WWOX: variants seen among roughly 807,000 people sequenced by gnomAD.
WWOX encodes the protein WW domain containing oxidoreductase.
WWOX carries 69 observed loss-of-function variants against 46.2 expected under a neutral mutation model. The ratio of observed to expected loss-of-function variants is 1.49; its 90% confidence interval spans 1.23 to 1.82. The LOEUF is 1.82. Ranked by LOEUF, WWOX falls within the 40% of genes most tolerant of loss-of-function variation. The pLI, the probability that WWOX is intolerant of heterozygous loss-of-function variation, is 0.00. For missense variants in WWOX, 919 were observed against 542.6 expected (o/e 1.69, Z -6.89); for synonymous variants, 359 against 202.6 (o/e 1.77, Z -6.56).
intron 8 of WWOX, among the ~76,000 whole-genome samples, chr16:78,687,564 T>A (rs1044198187): frequency 1.3e-5 from 2 of 151,200 alleles, no homozygotes; most frequent in African/African-American, 4.9e-5. Context: ...ACATATACTT[T>A]ATGAGGTTGG....
intron 8 of WWOX, among the ~76,000 whole-genome samples, chr16:78,803,030 T>C (rs1315325359): frequency 6.6e-6 from 1 of 150,674 alleles, no homozygotes; most frequent in Non-Finnish European, 1.5e-5. Flanking sequence ...TGGTGCCTTG[T>C]ACTGTGGCCA....
intron 5 of WWOX, among the ~76,000 whole-genome samples, chr16:78,226,213 T>C (rs941054061): frequency 1.3e-5 from 2 of 152,086 alleles, no homozygotes; most frequent in Admixed American, 1.3e-4. Context: ...TTCTGCCCTC[T>C]CCAGTTTGAG....
chr16:78,742,818 G>A (rs1049198940), intron 8 of WWOX, among the ~76,000 whole-genome samples: 10 of 152,308 alleles, frequency 6.6e-5, no homozygotes, highest in Non-Finnish European at 1.2e-4. Context: ...GAATTCACTT[G>A]AAATTGTCCA....
chr16:78,466,311 G>T (rs548982059), intron 8 of WWOX, among the ~76,000 whole-genome samples: 1 of 152,144 alleles, frequency 6.6e-6, no homozygotes, highest in Non-Finnish European at 1.5e-5. Context: ...GATTACAGGC[G>T]TGAGCCATTG....
At chr16:79,079,701 G>A (rs926845165) in intron 8 of WWOX, among the ~76,000 whole-genome samples, 4 of 152,100 alleles carry the variant, frequency 2.6e-5, no homozygotes, top group African/African-American at 9.7e-5. Flanking sequence ...GATTGTAATT[G>A]TGATTACAAC....
chr16:78,294,145 T>G (rs1422580740), intron 5 of WWOX, among the ~76,000 whole-genome samples: 2 of 152,004 alleles, frequency 1.3e-5, no homozygotes, highest in Non-Finnish European at 2.9e-5. Context: ...AGCTCCCCTT[T>G]CTCCTTGTCT....
intron 8 of WWOX, among the ~76,000 whole-genome samples, chr16:78,813,274 C>T (rs1234906006): frequency 2.0e-5 from 3 of 151,150 alleles, no homozygotes; most frequent in Admixed American, 1.3e-4. Flanking sequence ...ATTTTTTTTC[C>T]CCTTAATTTC....
intron 8 of WWOX, among the ~76,000 whole-genome samples, chr16:78,610,323 G>A (rs1597344254): frequency 1.3e-5 from 2 of 152,182 alleles, no homozygotes; most frequent in African/African-American, 4.8e-5. Context: ...TATCCATAGA[G>A]GGGGAAAAAA....
chr16:78,180,455 G>T, intron 5 of WWOX, among the ~76,000 whole-genome samples: 1 of 152,018 alleles, frequency 6.6e-6, no homozygotes, highest in East Asian at 1.9e-4. Context: ...GGGCTAGTGC[G>T]TAAACCCAGC....
intron 8 of WWOX, among the ~76,000 whole-genome samples, chr16:78,816,817 T>C (rs1361456990): frequency 2.0e-5 from 3 of 152,162 alleles, no homozygotes; most frequent in East Asian, 3.8e-4. Flanking sequence ...TCAAAAGTTA[T>C]GCAATGCCAA....
At position 78,707,894 on chromosome 16, in the gene WWOX, C is replaced by T. The variant is rs546513417; in HGVS notation, c.1056+275142C>T. Among the ~76,000 whole-genome samples the T allele has an allele frequency of 1.1e-4, 17 of 151,516 alleles. No homozygotes were observed. In the South Asian group the frequency reaches 1.3e-3, roughly 11 times the overall value. The stretch of plus-strand genomic sequence containing the variant: ...ATAAATAAATAAATAAATAAAGTAT[C>T]TGTCCCCAAGTCACAATGCTATTCG... On this transcript the variant is annotated intron_variant, in intron 8 of 8. Coordinates refer to ENST00000566780, the MANE Select transcript of WWOX (RefSeq NM_016373.4).
intron 8 of WWOX, among the ~76,000 whole-genome samples, chr16:78,746,784 C>A (rs747414127): frequency 4.6e-5 from 7 of 151,996 alleles, no homozygotes. Context: ...TTCAGCAAAC[C>A]CAGTCAATAT....
chr16:78,621,883 G>C (rs892768609), intron 8 of WWOX, among the ~76,000 whole-genome samples: 5 of 151,982 alleles, frequency 3.3e-5, no homozygotes. Flanking sequence ...GGGATTACAG[G>C]CGTGAGCCAC....
intron 8 of WWOX, among the ~76,000 whole-genome samples, chr16:78,909,055 C>G (rs1597136797): frequency 6.6e-6 from 1 of 152,198 alleles, no homozygotes; most frequent in Admixed American, 6.5e-5. Context: ...CAAAGTTAAA[C>G]CGTAAACTAA....
chr16:78,805,682 T>G (rs1330573849), intron 8 of WWOX, among the ~76,000 whole-genome samples: 1 of 152,198 alleles, frequency 6.6e-6, no homozygotes, highest in Non-Finnish European at 1.5e-5. Flanking sequence ...CAGCTTCTTA[T>G]TTGGGTGAAA....
chr16:79,139,609 TC>T (rs1214377228), intron 8 of WWOX, among the ~76,000 whole-genome samples: 8 of 152,302 alleles, frequency 5.3e-5, no homozygotes, highest in African/African-American at 1.9e-4. Flanking sequence ...TTTCTTTCTT[TC>T]TTTTCTTTTT....
At chr16:78,800,689 G>T (rs1009511886) in intron 8 of WWOX, among the ~76,000 whole-genome samples, 1 of 152,184 alleles carries the variant, frequency 6.6e-6, no homozygotes, top group African/African-American at 2.4e-5. Context: ...ATTTTAGGGG[G>T]TTCCTGACTT....
intron 4 of WWOX, among the ~76,000 whole-genome samples, chr16:78,152,189 C>G (rs1040798890): frequency 1.2e-4 from 12 of 96,320 alleles, no homozygotes; most frequent in African/African-American, 3.5e-4. Flanking sequence ...GACTCCGTCT[C>G]AAGAGAAAAA....
intron 8 of WWOX, among the ~76,000 whole-genome samples, chr16:78,504,440 A>G (rs964017250): frequency 6.6e-6 from 1 of 152,250 alleles, no homozygotes; most frequent in Non-Finnish European, 1.5e-5. Context: ...TGTCTATCTC[A>G]GATTTTCAAG....
Sources: gnomAD v4.1 joint callset for allele counts (sites outside exome capture counted in the v4.1 genomes callset) on GRCh38, gnomAD v4.1.1 for gene constraint, MANE v1.5 for transcripts, NCBI Gene and HGNC (gene_info 2026-07-23, HGNC 2026-07-21) for gene names.